Variants in MIS18A observed in about 807,000 individuals in gnomAD.
MIS18A encodes the protein protein Mis18-alpha.
MIS18A carries 14 observed loss-of-function variants against 25.0 expected under a neutral mutation model. The observed-to-expected ratio is 0.56, with a 90% CI of 0.37 to 0.88. The LOEUF is 0.88. Ranked by LOEUF, MIS18A falls within the 40% of genes least tolerant of loss-of-function variation. MIS18A has a pLI of 0.00. For synonymous variants in MIS18A, 134 were observed against 118.6 expected (o/e 1.13, Z -0.84); for missense variants, 292 against 290.8 (o/e 1.00, Z -0.03).
chr21:32,271,097 C>T (rs2031706724), intron 2 of MIS18A, among the ~76,000 whole-genome samples: 1 of 152,326 alleles, frequency 6.6e-6, no homozygotes. Context: ...TACCTCTCAA[C>T]TCAGGTTCCA....
the MIS18A span, among the ~76,000 whole-genome samples, chr21:32,185,965 C>T: frequency 6.6e-6 from 1 of 152,170 alleles, no homozygotes; most frequent in African/African-American, 2.4e-5. Context: ...AGGACAGGTT[C>T]ATTCCCTTCA....
downstream of MIS18A, among the ~76,000 whole-genome samples, chr21:32,265,339 A>T (rs1434963806): frequency 6.6e-6 from 1 of 152,206 alleles, no homozygotes; most frequent in Non-Finnish European, 1.5e-5. Context: ...AGGGAGAGGC[A>T]CGAGCGGGAA....
the MIS18A span, among the ~76,000 whole-genome samples, chr21:32,219,867 G>A: frequency 2.6e-5 from 4 of 152,142 alleles, no homozygotes; most frequent in East Asian, 3.9e-4. Flanking sequence ...AGGGAAGTTC[G>A]AACTGGGCAG....
the MIS18A span, among the ~76,000 whole-genome samples, chr21:32,206,614 C>T: frequency 3.9e-5 from 6 of 152,156 alleles, no homozygotes; most frequent in Non-Finnish European, 5.9e-5. Context: ...AATGTAAACA[C>T]TGAAGACTGA....
chr21:32,246,475 A>G, the MIS18A span, among the ~76,000 whole-genome samples: 1 of 152,076 alleles, frequency 6.6e-6, no homozygotes, highest in African/African-American at 2.4e-5. Context: ...GGAGTCTGGC[A>G]GGGGGGAGAG....
chr21:32,184,075 T>C, the MIS18A span, among the ~76,000 whole-genome samples: 1 of 152,166 alleles, frequency 6.6e-6, no homozygotes, highest in Non-Finnish European at 1.5e-5. Flanking sequence ...AGCCTCACCC[T>C]CTCCCTGACT....
the MIS18A span, among the ~76,000 whole-genome samples, chr21:32,219,198 T>C: frequency 6.6e-6 from 1 of 152,120 alleles, no homozygotes; most frequent in Non-Finnish European, 1.5e-5. Context: ...GATGGCCGAA[T>C]AGGAACAGTT....
chr21:32,202,685 A>G, the MIS18A span, among the ~76,000 whole-genome samples: 1 of 152,226 alleles, frequency 6.6e-6, no homozygotes, highest in Admixed American at 6.5e-5. Flanking sequence ...ATGTCTATAA[A>G]GTTAACTACT....
At chr21:32,175,001 T>A in the MIS18A span, among the ~76,000 whole-genome samples, 1 of 152,202 alleles carries the variant, frequency 6.6e-6, no homozygotes, top group African/African-American at 2.4e-5. Context: ...CTGACAAATA[T>A]GTAGTTGGAC....
At chr21:32,178,973 C>G in the MIS18A span, among the ~76,000 whole-genome samples, 2 of 152,070 alleles carry the variant, frequency 1.3e-5, no homozygotes, top group Admixed American at 6.5e-5. Context: ...TTAACCCAAC[C>G]ATTTGAGTTC....
the MIS18A span, among the ~76,000 whole-genome samples, chr21:32,171,054 C>T: frequency 6.6e-6 from 1 of 152,096 alleles, no homozygotes; most frequent in African/African-American, 2.4e-5. Context: ...AGACTGAATG[C>T]TTTCCCTTAA....
chr21:32,176,584 A>G, the MIS18A span, among the ~76,000 whole-genome samples: 1 of 152,208 alleles, frequency 6.6e-6, no homozygotes, highest in African/African-American at 2.4e-5. Context: ...AAGAGGGGGA[A>G]TTTATAGCTT....
chr21:32,183,972 C>T, the MIS18A span, among the ~76,000 whole-genome samples: 1 of 152,214 alleles, frequency 6.6e-6, no homozygotes. Flanking sequence ...AAGGGAAGGA[C>T]ATTCATCTGC....
At chr21:32,216,147 T>C in the MIS18A span, among the ~76,000 whole-genome samples, 1 of 152,212 alleles carries the variant, frequency 6.6e-6, no homozygotes, top group African/African-American at 2.4e-5. Flanking sequence ...CTGAGGTGCA[T>C]TTATTCAGTA....
chr21:32,235,555 CAT>C, the MIS18A span, among the ~76,000 whole-genome samples: 1 of 152,208 alleles, frequency 6.6e-6, no homozygotes, highest in African/African-American at 2.4e-5. Flanking sequence ...AGTGTTGACA[CAT>C]GAGGTGAAAC....
the MIS18A span, among the ~76,000 whole-genome samples, chr21:32,209,540 C>A: frequency 6.6e-6 from 1 of 152,138 alleles, no homozygotes; most frequent in East Asian, 1.9e-4. Flanking sequence ...GCAAAAACTG[C>A]AATAACTTTT....
At chr21:32,187,494 C>A in the MIS18A span, among the ~76,000 whole-genome samples, 1 of 152,118 alleles carries the variant, frequency 6.6e-6, no homozygotes, top group Admixed American at 6.5e-5. Flanking sequence ...AAATTCACCT[C>A]TTCATTACCA....
At chr21:32,231,566 G>C in the MIS18A span, among the ~76,000 whole-genome samples, 1 of 152,162 alleles carries the variant, frequency 6.6e-6, no homozygotes, top group African/African-American at 2.4e-5. Context: ...GGAGAAATTT[G>C]AACGCTCATA....
chr21:32,262,241 C>T, the MIS18A span, among the ~76,000 whole-genome samples: 2 of 152,286 alleles, frequency 1.3e-5, no homozygotes, highest in African/African-American at 4.8e-5. Context: ...CCTAAATGAT[C>T]GTTAAGTGCT....
Sources: allele counts gnomAD v4.1 joint callset (sites outside exome capture counted in the v4.1 genomes callset), GRCh38; gene constraint gnomAD v4.1.1; transcripts MANE v1.5; gene names NCBI Gene and HGNC (gene_info 2026-07-23, HGNC 2026-07-21).